Variants in BNC2 observed in about 807,000 individuals in gnomAD.
BNC2 encodes the protein zinc finger protein basonuclin-2.
Under a neutral mutation model 76.3 loss-of-function variants are expected in BNC2, and 20 were observed. The ratio of observed to expected loss-of-function variants is 0.26; its 90% CI spans 0.18 to 0.38. BNC2 has a LOEUF of 0.38. BNC2 is among the 10% of genes least tolerant of loss of function. The pLI is 1.00. For missense variants in BNC2, 1,382 were observed against 1,399.8 expected (o/e 0.99, Z 0.20); for synonymous variants, 582 against 514.8 (o/e 1.13, Z -1.77).
chr9:16,809,163 A>C (rs1334541080), intron 1 of BNC2, among the ~76,000 whole-genome samples: 1 of 152,164 alleles, frequency 6.6e-6, no homozygotes, highest in Non-Finnish European at 1.5e-5. Flanking sequence ...CTTTGTCAGA[A>C]CAAGGGCCTT....
intron 5 of BNC2, among the ~76,000 whole-genome samples, chr9:16,444,366 A>G (rs1228040537): frequency 1.3e-5 from 2 of 152,136 alleles, no homozygotes; most frequent in Non-Finnish European, 2.9e-5. Context: ...GCTAACACCA[A>G]TATATAGCAG....
At chr9:16,736,413 G>C (rs1318965196) in intron 2 of BNC2, among the ~76,000 whole-genome samples, 1 of 126,426 alleles carries the variant, frequency 7.9e-6, no homozygotes, top group Non-Finnish European at 1.6e-5. Flanking sequence ...TATACTTAAA[G>C]TTTCAAAAAT....
intron 1 of BNC2, among the ~76,000 whole-genome samples, chr9:16,766,069 G>C (rs917334156): frequency 6.6e-6 from 1 of 152,170 alleles, no homozygotes; most frequent in East Asian, 1.9e-4. Context: ...TTACAGGCGT[G>C]AGCCACCGCG....
chr9:16,721,856 T>G (rs1248522302), intron 3 of BNC2, among the ~76,000 whole-genome samples: 1 of 152,108 alleles, frequency 6.6e-6, no homozygotes, highest in Non-Finnish European at 1.5e-5. Flanking sequence ...AACACTAAGG[T>G]TCAAATTATA....
In BNC2 at chr9:16,467,872, G is replaced by C. The variant is rs1229399907; in HGVS notation, c.670-30348C>G. On this transcript the variant is annotated intron_variant, in intron 5 of 6. Transcript: ENST00000380672. ...AAAAAAAAAAAAATGCCATCTTCTG[G>C]ATAACAAGGTCTCTCATGATCTGGT... 2.0e-5 allele frequency among the ~76,000 whole-genome samples: 3 copies of C among 151,090 alleles called. No homozygotes were observed. In the East Asian group the frequency reaches 5.8e-4, roughly 29 times the overall value.
At chr9:16,570,848 T>C (rs1587184912) in intron 4 of BNC2, among the ~76,000 whole-genome samples, 1 of 152,168 alleles carries the variant, frequency 6.6e-6, no homozygotes, top group Admixed American at 6.6e-5. Context: ...ACATATTTAA[T>C]GGAGCGCAAA....
chr9:16,827,283 G>A (rs1388524265), intron 1 of BNC2, among the ~76,000 whole-genome samples: 1 of 152,186 alleles, frequency 6.6e-6, no homozygotes, highest in Admixed American at 6.5e-5. Context: ...ATGGAAAAGC[G>A]ACAAGCAGGT....
intron 3 of BNC2, among the ~76,000 whole-genome samples, chr9:16,675,701 T>C (rs975011267): frequency 2.9e-4 from 44 of 152,244 alleles, no homozygotes; most frequent in African/African-American, 9.9e-4. Flanking sequence ...CTACGTGATT[T>C]TGGTTAAGTC....
At chr9:16,613,143 G>C (rs1331004592) in intron 3 of BNC2, among the ~76,000 whole-genome samples, 1 of 152,118 alleles carries the variant, frequency 6.6e-6, no homozygotes, top group African/African-American at 2.4e-5. Context: ...ATAGCAGTGA[G>C]TTTTATTTTA....
intron 5 of BNC2, among the ~76,000 whole-genome samples, chr9:16,490,874 C>A (rs542871319): frequency 6.6e-6 from 1 of 152,162 alleles, no homozygotes; most frequent in Non-Finnish European, 1.5e-5. Flanking sequence ...AGTCCCTAAT[C>A]TCTAGGTGCT....
chr9:16,798,176 T>A (rs1255598580), intron 1 of BNC2, among the ~76,000 whole-genome samples: 2 of 152,190 alleles, frequency 1.3e-5, no homozygotes, highest in African/African-American at 4.8e-5. Flanking sequence ...AATGAACTAT[T>A]TTCAAGTTTT....
intron 1 of BNC2, among the ~76,000 whole-genome samples, chr9:16,802,853 T>C (rs1189142101): frequency 2.6e-5 from 4 of 152,244 alleles, no homozygotes; most frequent in Non-Finnish European, 5.9e-5. Flanking sequence ...CCCTTCATTT[T>C]CTTGACCAAA....
At chr9:16,737,434 T>G (rs1824708778) in intron 2 of BNC2, among the ~76,000 whole-genome samples, 1 of 151,282 alleles carries the variant, frequency 6.6e-6, no homozygotes, top group South Asian at 2.1e-4. Flanking sequence ...GTATTTTTAG[T>G]AGAGACGAGG....
intron 5 of BNC2, among the ~76,000 whole-genome samples, chr9:16,441,760 A>T (rs566165200): frequency 1.9e-4 from 29 of 152,344 alleles, no homozygotes; most frequent in Admixed American, 4.6e-4. Context: ...ACATTTTTTT[A>T]GTCAATTTAT....
At chr9:16,618,055 C>T (rs922900905) in intron 3 of BNC2, among the ~76,000 whole-genome samples, 1 of 152,176 alleles carries the variant, frequency 6.6e-6, no homozygotes. Context: ...AAGCAACTTT[C>T]GGGGCTACCT....
chr9:16,870,210 A>G (rs1819645498), intron 1 of BNC2, among the ~76,000 whole-genome samples: 1 of 151,856 alleles, frequency 6.6e-6, no homozygotes, highest in South Asian at 2.1e-4. Context: ...AAGTTGTAAA[A>G]GTTCCCGTAG....
At position 16,437,089 on chromosome 9, in the gene BNC2, A is replaced by G; in HGVS notation, c.1105T>C (p.Ser369Pro). 6.2e-7 allele frequency: 1 copy of G among 1,614,056 alleles called. No individual in the cohort carries two copies. The highest frequency in any genetic ancestry group is 8.5e-7 in the Non-Finnish European group (1 of 1,180,012). The change falls in exon 6 of 7, where the codon TCC becomes CCC. Residue 369 changes from serine (S) to proline (P), a missense_variant. By Grantham distance (74) the Ser-to-Pro change is moderately conservative. This residue lies in a region of BNC2 where 557 missense variants were observed against 540.9 expected (regional missense o/e 1.03). Coordinates refer to ENST00000380672, the MANE Select transcript of BNC2 (RefSeq NM_017637.6). ...TTATAAGGTGTGGGAGAAACTTCGG[A>G]TTCGCTGCTCTCATTATATTCATTC... is the stretch of plus-strand genomic sequence containing the variant. ...TQNEYNESSE[S>P]EVSPTPYKND...
intron 1 of BNC2, chr9:16,775,569 G>T (rs138363198): frequency 3.5e-4 from 56 of 159,734 alleles, no homozygotes; most frequent in Non-Finnish European, 5.7e-4. Flanking sequence ...TCTGAGCAGA[G>T]GACTTAATAC....
At chr9:16,548,543 T>C (rs1465591622) in intron 5 of BNC2, among the ~76,000 whole-genome samples, 2 of 152,040 alleles carry the variant, frequency 1.3e-5, no homozygotes, top group Non-Finnish European at 2.9e-5. Flanking sequence ...GTAGCTGGGT[T>C]AACAGGCACA....
Sources: gnomAD v4.1 joint callset for allele counts (sites outside exome capture counted in the v4.1 genomes callset) on GRCh38, gnomAD v4.1.1 for gene constraint, gnomAD v4.1.1 regional missense constraint, MANE v1.5 for transcripts, NCBI Gene and HGNC (gene_info 2026-07-23, HGNC 2026-07-21) for gene names.